Variants in NEBL observed in about 807,000 individuals in gnomAD.
NEBL encodes nebulette.
In NEBL, 122 loss-of-function variants were observed where a neutral mutation model predicts 140.2. The ratio of observed to expected loss-of-function variants is 0.87; its 90% CI spans 0.75 to 1.01. The LOEUF (loss-of-function observed/expected upper bound fraction) is 1.01. Ranked by LOEUF, NEBL falls within the 50% of genes least tolerant of loss-of-function variation. The pLI is 0.00. For missense variants in NEBL, 1,365 were observed against 1,231.3 expected, an observed-to-expected ratio of 1.11 and a Z score of -1.62; for synonymous variants, 436 against 398.9, an observed-to-expected ratio of 1.09 and a Z score of -1.11.
At chr10:20,899,925 T>C (rs1291024051), upstream of NEBL, among the ~76,000 whole-genome samples, 1 of 152,212 alleles carries the variant, frequency 6.6e-6, no homozygotes, top group Non-Finnish European at 1.5e-5. Flanking sequence ...ACCTATAATA[T>C]AAAATTCATG....
chr10:20,872,432 G>T (rs1024961658), intron 5 of NEBL, among the ~76,000 whole-genome samples: 1 of 152,070 alleles, frequency 6.6e-6, no homozygotes, highest in South Asian at 2.1e-4. Context: ...ATTCAAGAGG[G>T]TGACACTCTT....
chr10:21,165,898 A>G (rs1241912760), intron 2 of NEBL, among the ~76,000 whole-genome samples: 1 of 152,198 alleles, frequency 6.6e-6, no homozygotes, highest in Non-Finnish European at 1.5e-5. Flanking sequence ...TCTCTGATGT[A>G]TGGAGCATTA....
At chr10:20,994,398 G>T (rs77314108) in intron 3 of NEBL, among the ~76,000 whole-genome samples, 3,288 of 152,250 alleles carry the variant, frequency 0.022, 45 homozygotes, top group Middle Eastern at 0.051. Context: ...AAGAGTAATT[G>T]CGTCTATAAT....
intron 2 of NEBL, among the ~76,000 whole-genome samples, chr10:21,170,011 T>C (rs1389095192): frequency 6.6e-6 from 1 of 152,156 alleles, no homozygotes; most frequent in African/African-American, 2.4e-5. Context: ...CACTATCAAG[T>C]CAAAGTGCAA....
At position 21,155,288 on chromosome 10, in the gene NEBL, A is replaced by G. The variant is rs556394614; in HGVS notation, c.164+17095T>C. ...TATCCTTTGAGTTACAAACAATCCA[A>G]TTATATTCTATTAGTTATTTTTAAA... On this transcript the variant is annotated intron_variant, in intron 2 of 6. Transcript: ENST00000417816. Among the ~76,000 whole-genome samples the G allele has an allele frequency of 1.5e-3, 226 of 152,276 alleles. 1 individual carries two copies. Among genetic ancestry groups the G allele is most frequent in the Non-Finnish European group, 2.6e-3 (174 of 68,008 alleles).
intron 2 of NEBL, among the ~76,000 whole-genome samples, chr10:21,148,516 GTTTTGTTTTTGT>G (rs915574953): frequency 6.6e-5 from 10 of 152,100 alleles, no homozygotes; most frequent in Admixed American, 3.3e-4. Flanking sequence ...TGTCGTTGTT[GTTTTGTTTTTGT>G]TTTTGTTTTT....
intron 26 of NEBL, among the ~76,000 whole-genome samples, chr10:20,805,190 TG>T (rs982223810): frequency 1.3e-5 from 2 of 152,092 alleles, no homozygotes; most frequent in African/African-American, 4.8e-5. Context: ...CTTAGCAAAC[TG>T]GGAAGCTCAG....
At chr10:21,094,448 G>A (rs1837076248) in intron 2 of NEBL, among the ~76,000 whole-genome samples, 1 of 141,192 alleles carries the variant, frequency 7.1e-6, no homozygotes, top group Non-Finnish European at 1.5e-5. Context: ...CTTGCAGTGA[G>A]CCGAGATTGT....
At position 21,270,936 on chromosome 10, in the gene NEBL, G is replaced by A. The variant is rs143368593; in HGVS notation, n.183-19108C>T. Among the ~76,000 whole-genome samples the A allele has an allele frequency of 6.7e-3, 1,026 of 152,206 alleles. 14 individuals are homozygous for A. The highest frequency in any genetic ancestry group is 0.023 in the African/African-American group (967 of 41,522). On this transcript the variant is annotated intron_variant and non_coding_transcript_variant, in intron 1 of 8. Coordinates refer to the NEBL transcript ENST00000675702. Reference sequence around the variant, plus strand: ...TCTCTGTTGGTGAGACTGTAAATTGGTACAGCCATTATGGAAAACAGTATG... The same window carrying A: ...TCTCTGTTGGTGAGACTGTAAATTGATACAGCCATTATGGAAAACAGTATG...
intron 21 of NEBL, among the ~76,000 whole-genome samples, chr10:20,816,330 G>A (rs530115777): frequency 3.9e-5 from 6 of 152,314 alleles, no homozygotes; most frequent in East Asian, 3.9e-4. Context: ...GGTATTCACC[G>A]TAGACTGGTA....
intron 2 of NEBL, among the ~76,000 whole-genome samples, chr10:21,051,613 A>T (rs1834783287): frequency 6.6e-6 from 1 of 152,226 alleles, no homozygotes; most frequent in Non-Finnish European, 1.5e-5. Flanking sequence ...AAAATCTATG[A>T]CACATGGAAA....
At chr10:20,992,958 T>C (rs1439164836) in intron 3 of NEBL, among the ~76,000 whole-genome samples, 1 of 151,200 alleles carries the variant, frequency 6.6e-6, no homozygotes, top group African/African-American at 2.4e-5. Flanking sequence ...TGTTTTTGTA[T>C]TTTTTTAGTA....
At chr10:21,100,242 T>C (rs1254024629) in intron 2 of NEBL, among the ~76,000 whole-genome samples, 2 of 152,194 alleles carry the variant, frequency 1.3e-5, no homozygotes, top group African/African-American at 2.4e-5. Context: ...GGATGTGTGG[T>C]ACCCGACCAT....
intron 2 of NEBL, among the ~76,000 whole-genome samples, chr10:21,148,613 C>T (rs901776922): frequency 2.0e-5 from 3 of 152,132 alleles, no homozygotes; most frequent in Non-Finnish European, 2.9e-5. Context: ...GCAACTTCCA[C>T]CTCCTGCGTG....
At chr10:20,987,159 T>C (rs906501281) in intron 3 of NEBL, among the ~76,000 whole-genome samples, 3 of 152,186 alleles carry the variant, frequency 2.0e-5, no homozygotes, top group Admixed American at 6.5e-5. Flanking sequence ...CCGACCGTTA[T>C]GGGTAAACCT....
At chr10:21,049,195 C>A (rs1346731862) in intron 2 of NEBL, among the ~76,000 whole-genome samples, 1 of 152,136 alleles carries the variant, frequency 6.6e-6, no homozygotes, top group Admixed American at 6.5e-5. Flanking sequence ...ATCTTCATAG[C>A]AACATATAGA....
Position 20,856,237 on chromosome 10 carries a change from G to T in NEBL, c.903+2003C>A, listed in dbSNP as rs117183409. ...CATGAAATAAGTAACGTATGACTTT[G>T]CTGTGTTTTCTCTGTTGAAGAGATG... On this transcript the variant is annotated intron_variant, in intron 9 of 27. Coordinates refer to ENST00000377122, the MANE Select transcript of NEBL (RefSeq NM_006393.3). 7.5e-3 allele frequency among the ~76,000 whole-genome samples: 1,144 copies of T among 152,290 alleles called. 10 individuals are homozygous for T. The highest frequency in any genetic ancestry group is 8.4e-3 in the Non-Finnish European group (573 of 68,020).
chr10:20,787,312 C>A lies in NEBL; in HGVS notation c.2762-4G>T. The A allele has an allele frequency of 6.2e-7, 1 of 1,603,086 alleles. No homozygotes were observed. The highest frequency in any genetic ancestry group is 8.5e-7 in the Non-Finnish European group (1 of 1,171,038). ...TAGGCTCCGGGAAGAACAGGTGCTG[C>A]ATGTTAAACATACACACACACAAAG... On this transcript the variant is annotated splice_region_variant and splice_polypyrimidine_tract_variant and intron_variant, in intron 26 of 27. Transcript: ENST00000377122.
chr10:20,902,966 T>C (rs1847933931), intron 4 of NEBL, among the ~76,000 whole-genome samples: 1 of 152,220 alleles, frequency 6.6e-6, no homozygotes, highest in South Asian at 2.1e-4. Flanking sequence ...TATACTGTTC[T>C]TTCATTATCT....
Sources: allele counts gnomAD v4.1 joint callset (sites outside exome capture counted in the v4.1 genomes callset), GRCh38; gene constraint gnomAD v4.1.1; transcripts MANE v1.5; gene names NCBI Gene and HGNC (gene_info 2026-07-23, HGNC 2026-07-21).